The following ACSL3 variants were observed in gnomAD, a reference collection of about 807,000 sequenced individuals.
The protein encoded by ACSL3 is acyl-CoA synthetase long chain family member 3.
In ACSL3, 34 loss-of-function variants were observed where a neutral mutation model predicts 84.7. The ratio of observed to expected loss-of-function variants is 0.40; its 90% CI spans 0.31 to 0.53. ACSL3 has a LOEUF of 0.53. Among genes scored for constraint, ACSL3 ranks in the 20% least tolerant of loss-of-function variants. The probability of loss-of-function intolerance (pLI) is 0.48; values close to 1 mark genes in which losing one functional copy is unlikely to be tolerated. For missense variants in ACSL3, 680 were observed against 873.1 expected, an observed-to-expected ratio of 0.78 and a Z score of 2.79; for synonymous variants, 315 against 299.4, an observed-to-expected ratio of 1.05 and a Z score of -0.54.
chr2:222,867,072 A>C (rs1228785947), intron 1 of ACSL3, among the ~76,000 whole-genome samples: 1 of 151,962 alleles, frequency 6.6e-6, no homozygotes, highest in Non-Finnish European at 1.5e-5. Context: ...TGACCTCGTG[A>C]TCTGCCCATC....
At chr2:222,903,465 C>T (rs946338623) in intron 3 of ACSL3, among the ~76,000 whole-genome samples, 1 of 152,156 alleles carries the variant, frequency 6.6e-6, no homozygotes, top group Non-Finnish European at 1.5e-5. Flanking sequence ...TGATTGCTTT[C>T]AAGTTGGAAA....
At chr2:222,929,565 G>A (rs1347571531) in intron 13 of ACSL3, among the ~76,000 whole-genome samples, 1 of 152,042 alleles carries the variant, frequency 6.6e-6, no homozygotes, top group African/African-American at 2.4e-5. Context: ...GCGGATCATG[G>A]GGTCAGGAGT....
At chr2:222,901,184 C>G (rs1696138299) in intron 3 of ACSL3, among the ~76,000 whole-genome samples, 1 of 152,192 alleles carries the variant, frequency 6.6e-6, no homozygotes, top group Admixed American at 6.5e-5. Context: ...TCCTGAAGCA[C>G]CATTAACACT....
rs960582919 is a variant in ACSL3, at chr2:222,944,203, T to C, written c.*2549T>C. ...TGGATTTGATATTTATAATGTTCTCTAAAGCTTGCAACTTTTTCAGCAACG... is the reference window on the plus strand; with the variant it reads ...TGGATTTGATATTTATAATGTTCTCCAAAGCTTGCAACTTTTTCAGCAACG... On this transcript the variant is annotated 3_prime_UTR_variant, in exon 17 of 17. Coordinates refer to ENST00000357430, the MANE Select transcript of ACSL3 (RefSeq NM_004457.5). The C allele has an allele frequency of 6.6e-6, 1 of 152,156 alleles. No individual in the cohort carries two copies. Among genetic ancestry groups the C allele is most frequent in the Non-Finnish European group, 1.5e-5 (1 of 67,988 alleles). 9.4% of individuals were successfully genotyped at this position (152,156 alleles called of 1,614,324 possible).
chr2:222,895,228 A>G (rs912130141), intron 2 of ACSL3, among the ~76,000 whole-genome samples: 3 of 151,974 alleles, frequency 2.0e-5, no homozygotes, highest in Non-Finnish European at 2.9e-5. Flanking sequence ...CTCACATCCA[A>G]TGATTTTGCT....
At chr2:222,892,623 G>A (rs1431779112) in intron 2 of ACSL3, among the ~76,000 whole-genome samples, 1 of 152,076 alleles carries the variant, frequency 6.6e-6, no homozygotes, top group Non-Finnish European at 1.5e-5. Flanking sequence ...CCTAACTTTT[G>A]TGGAAAGGAG....
chr2:222,917,649 C>T (rs2165231), intron 5 of ACSL3: 128,312 of 154,232 alleles, frequency 0.83, 53,730 homozygotes, highest in East Asian at 0.97. Flanking sequence ...TGACATACAC[C>T]GTAAATCTGA....
At chr2:222,920,370 A>G (rs563627219) in intron 7 of ACSL3, among the ~76,000 whole-genome samples, 16 of 152,316 alleles carry the variant, frequency 1.1e-4, no homozygotes, top group Admixed American at 5.9e-4. Context: ...AATGCCAACC[A>G]TGACCTATTT....
At chr2:222,886,915 A>G (rs1574527451) in intron 1 of ACSL3, among the ~76,000 whole-genome samples, 1 of 152,170 alleles carries the variant, frequency 6.6e-6, no homozygotes, top group Non-Finnish European at 1.5e-5. Flanking sequence ...ATGAACCTAC[A>G]TTGACACATC....
At chr2:222,937,711 G>T (rs1697210720) in intron 16 of ACSL3, among the ~76,000 whole-genome samples, 2 of 151,994 alleles carry the variant, frequency 1.3e-5, no homozygotes, top group South Asian at 4.1e-4. Context: ...TGTTTCTTGT[G>T]GATGGCATAT....
At chr2:222,901,747 C>T (rs908722268) in intron 3 of ACSL3, among the ~76,000 whole-genome samples, 4 of 152,014 alleles carry the variant, frequency 2.6e-5, no homozygotes, top group African/African-American at 7.2e-5. Context: ...GAGATCGAGA[C>T]CATCCTGGCC....
rs746410274 is a variant in ACSL3 at position 222,924,560 on chromosome 2, G to C, written c.1257G>C (p.Gln419His). The C allele has an allele frequency of 1.2e-6, 2 of 1,609,824 alleles. No individual in the cohort carries two copies. Among genetic ancestry groups the C allele is most frequent in the Admixed American group, 3.4e-5 (2 of 59,434 alleles). ...FILAYNYKME[Q>H]ISKGRNTPLC... The stretch of plus-strand genomic sequence containing the variant: ...TGGCCTATAATTACAAAATGGAACA[G>C]ATTTCAAAAGGACGTAATACTCCAC... Residue 419 changes from glutamine to histidine, a missense_variant, in exon 11 of 17, where the codon CAG becomes CAC. Physicochemically the swap from Gln to His is conservative, Grantham distance 24. Around this residue, in one of 2 missense-constraint regions of ACSL3, gnomAD observed 347 missense variants for 525.7 expected, o/e 0.66. Coordinates refer to ENST00000357430, the MANE Select transcript of ACSL3 (RefSeq NM_004457.5).
chr2:222,891,340 A>G (rs1376453449), intron 2 of ACSL3, among the ~76,000 whole-genome samples: 1 of 152,228 alleles, frequency 6.6e-6, no homozygotes. Context: ...AATGGTGAAC[A>G]AATTAAGATT....
intron 11 of ACSL3, among the ~76,000 whole-genome samples, chr2:222,925,828 G>C (rs1455241756): frequency 6.7e-6 from 1 of 150,110 alleles, no homozygotes; most frequent in East Asian, 1.9e-4. Flanking sequence ...TAAATGATCA[G>C]TTTTGTTCCA....
intron 3 of ACSL3, among the ~76,000 whole-genome samples, chr2:222,902,378 G>C (rs1696174431): frequency 6.6e-6 from 1 of 152,162 alleles, no homozygotes; most frequent in African/African-American, 2.4e-5. Context: ...GCTAATGTAT[G>C]GCAGATCCCT....
At chr2:222,884,628 T>G (rs1042347927) in intron 1 of ACSL3, among the ~76,000 whole-genome samples, 22 of 152,190 alleles carry the variant, frequency 1.4e-4, no homozygotes, top group African/African-American at 5.3e-4. Flanking sequence ...TCCAATCTCC[T>G]TCTGCCTCTC....
chr2:222,886,834 C>T (rs1695734608), intron 1 of ACSL3, among the ~76,000 whole-genome samples: 1 of 152,184 alleles, frequency 6.6e-6, no homozygotes, highest in African/African-American at 2.4e-5. Context: ...ACCCCTTCCC[C>T]TACACAGGCA....
At chr2:222,862,486 T>A (rs566633390) in intron 1 of ACSL3, among the ~76,000 whole-genome samples, 1 of 151,520 alleles carries the variant, frequency 6.6e-6, no homozygotes, top group East Asian at 1.9e-4. Flanking sequence ...CTATTTTGTT[T>A]CCCCAAATTA....
intron 12 of ACSL3, among the ~76,000 whole-genome samples, 150 bp from the exon 13 acceptor site, chr2:222,928,705 TCACGGCC>T (rs573986129): frequency 3.6e-4 from 55 of 151,768 alleles, no homozygotes; most frequent in South Asian, 1.7e-3. Context: ...TCTACAGGCC[TCACGGCC>T]TGTGCTTCAC....
Sources: gnomAD v4.1 joint callset for allele counts (sites outside exome capture counted in the v4.1 genomes callset) on GRCh38, gnomAD v4.1.1 for gene constraint, gnomAD v4.1.1 regional missense constraint, MANE v1.5 for transcripts, NCBI Gene and HGNC (gene_info 2026-07-23, HGNC 2026-07-21) for gene names.